The following PCDHGA6 variants were observed in gnomAD, a reference collection of about 807,000 sequenced individuals.
PCDHGA6 encodes the protein protocadherin gamma subfamily A, 6.
Under a neutral mutation model 60.6 loss-of-function variants are expected in PCDHGA6, and 41 were observed. That is an observed-to-expected ratio of 0.68 (90% CI 0.53 to 0.88). The LOEUF is 0.88. Ranked by LOEUF, PCDHGA6 falls within the 40% of genes least tolerant of loss-of-function variation. PCDHGA6 has a pLI of 0.00. For synonymous variants in PCDHGA6, 594 were observed against 524.4 expected, an observed-to-expected ratio of 1.13 and a Z score of -1.81; for missense variants, 1,312 against 1,203.0, an observed-to-expected ratio of 1.09 and a Z score of -1.34.
At chr5:141,458,201 TAGTTTAAAATA>T (rs1175017515) in intron 1 of PCDHGA6, among the ~76,000 whole-genome samples, 1 of 152,168 alleles carries the variant, frequency 6.6e-6, no homozygotes, top group Non-Finnish European at 1.5e-5. Context: ...AGGCCATAAA[TAGTTTAAAATA>T]AGTTTCCTTT....
At chr5:141,399,037 G>A (rs756325508) in intron 1 of PCDHGA6, 2 of 1,613,856 alleles carry the variant, frequency 1.2e-6, no homozygotes, top group African/African-American at 2.7e-5. Context: ...AAAGAAACTG[G>A]ATTTTGAAGA....
Position 141,376,026 on chromosome 5 carries a change from A to T in PCDHGA6, c.1943A>T (p.Asp648Val). 6.2e-7 allele frequency: 1 copy of T among 1,613,128 alleles called. No individual in the cohort carries two copies. The highest frequency in any genetic ancestry group is 1.3e-5 in the African/African-American group (1 of 75,030). ...LKQSLVVAVQ[D>V]HGQPPLSATV... ...CAGAGCCTAGTGGTGGCCGTCCAGG[A>T]CCACGGCCAGCCCCCTCTCTCCGCC... Residue 648 changes from aspartate (D) to valine (V), a missense_variant, in exon 1 of 4, where the codon GAC becomes GTC. By Grantham distance (152) the Asp-to-Val change is radical (BLOSUM62 -3). Coordinates refer to ENST00000517434, the MANE Select transcript of PCDHGA6 (RefSeq NM_018919.3).
intron 1 of PCDHGA6, among the ~76,000 whole-genome samples, chr5:141,405,839 G>C (rs2094725144): frequency 6.6e-6 from 1 of 152,134 alleles, no homozygotes; most frequent in African/African-American, 2.4e-5. Context: ...AGTATAAGTT[G>C]ATATCAGTGT....
chr5:141,437,956 T>A (rs998689841), intron 1 of PCDHGA6, among the ~76,000 whole-genome samples: 6 of 152,178 alleles, frequency 3.9e-5, no homozygotes, highest in African/African-American at 1.4e-4. Context: ...CAGAATGGTC[T>A]TGATCTCTTG....
intron 1 of PCDHGA6, chr5:141,478,359 G>A: frequency 6.2e-7 from 1 of 1,613,734 alleles, no homozygotes; most frequent in Non-Finnish European, 8.5e-7. Flanking sequence ...GACGCCGTGC[G>A]GGGAGGCCTG....
chr5:141,498,971 G>GGGAAGGAAGGAAGGAAGGAA (rs201769957), intron 2 of PCDHGA6, among the ~76,000 whole-genome samples: 36 of 111,052 alleles, frequency 3.2e-4, no homozygotes, highest in African/African-American at 9.0e-4. Context: ...GAGGGAGGGA[G>GGGAAGGAAGGAAGGAAGGAA]GGAAGGAAGG....
intron 1 of PCDHGA6, among the ~76,000 whole-genome samples, chr5:141,474,010 C>G (rs989832548): frequency 1.3e-5 from 2 of 152,092 alleles, no homozygotes; most frequent in Admixed American, 1.3e-4. Flanking sequence ...CTGGAAGTTA[C>G]AGTGAGCTAT....
At chr5:141,456,148 C>T (rs1408257938) in intron 1 of PCDHGA6, among the ~76,000 whole-genome samples, 13 of 152,078 alleles carry the variant, frequency 8.5e-5, no homozygotes, top group African/African-American at 3.1e-4. Flanking sequence ...CCGCCCGCCT[C>T]GGCCTCCTAA....
intron 1 of PCDHGA6, chr5:141,420,437 T>G (rs2096496377): frequency 4.5e-6 from 5 of 1,109,618 alleles, no homozygotes; most frequent in Admixed American, 3.7e-5. Context: ...TTAAATTAAA[T>G]GCCTCAGTCT....
intron 1 of PCDHGA6, chr5:141,408,114 C>T (rs1191565539): frequency 5.5e-6 from 8 of 1,460,968 alleles, no homozygotes; most frequent in South Asian, 1.4e-5. Context: ...CGGGACTCCT[C>T]CTGTCCTGGG....
At chr5:141,470,649 C>T (rs1486535307) in intron 1 of PCDHGA6, among the ~76,000 whole-genome samples, 1 of 152,160 alleles carries the variant, frequency 6.6e-6, no homozygotes, top group African/African-American at 2.4e-5. Flanking sequence ...TTGAAGGCCC[C>T]TACCCTTTGG....
chr5:141,390,764 G>T, intron 1 of PCDHGA6: 2 of 165,996 alleles, frequency 1.2e-5, no homozygotes, highest in Non-Finnish European at 2.6e-5. Flanking sequence ...TTTGTTTCCT[G>T]TGTTAACTTC....
At chr5:141,415,012 C>T (rs1451963535) in intron 1 of PCDHGA6, 2 of 1,613,644 alleles carry the variant, frequency 1.2e-6, no homozygotes, top group South Asian at 1.1e-5. Context: ...CTACCGTCTG[C>T]TCAAGGCCAG....
chr5:141,433,042 G>C (rs752612411), intron 1 of PCDHGA6: 6 of 1,614,142 alleles, frequency 3.7e-6, no homozygotes, highest in Non-Finnish European at 5.1e-6. Flanking sequence ...CCCTCACCAC[G>C]GACTCGCGGA....
intron 1 of PCDHGA6, chr5:141,393,129 A>T (rs2150509668): frequency 1.2e-6 from 2 of 1,613,426 alleles, no homozygotes; most frequent in Non-Finnish European, 1.7e-6. Flanking sequence ...TCTGATAAAT[A>T]TTAACACCCT....
intron 1 of PCDHGA6, chr5:141,484,904 C>A: frequency 2.5e-6 from 1 of 405,682 alleles, no homozygotes; most frequent in Non-Finnish European, 4.4e-6. Context: ...TCCAATGCTG[C>A]GACGCATTAA....
intron 3 of PCDHGA6, among the ~76,000 whole-genome samples, chr5:141,507,790 A>C (rs922507228): frequency 5.9e-5 from 9 of 152,188 alleles, no homozygotes; most frequent in Admixed American, 2.6e-4. Context: ...ACCCTCGTCT[A>C]AGCCTGCGCC....
In PCDHGA6 at chr5:141,432,460, C is replaced by T; in HGVS notation, c.2424+55953C>T. The T allele has an allele frequency of 6.2e-7, 1 of 1,614,208 alleles. No homozygotes were observed. The highest frequency in any genetic ancestry group is 8.5e-7 in the Non-Finnish European group (1 of 1,180,044). On this transcript the variant is annotated intron_variant, in intron 1 of 3. Transcript: ENST00000517434. This position sits in a 1 kb window ranked among gnomAD's most constrained non-coding sequence, Gnocchi z 6.0. ...CGCCCGAGATCCTGTACCCCGCCCTCCCCACGGACGGTTCCACTGGCGTGG... is the reference window on the plus strand; with the variant it reads ...CGCCCGAGATCCTGTACCCCGCCCTTCCCACGGACGGTTCCACTGGCGTGG...
chr5:141,399,682 G>C, intron 1 of PCDHGA6: 2 of 1,613,512 alleles, frequency 1.2e-6, no homozygotes, highest in Non-Finnish European at 1.7e-6. Context: ...CTTTGACTAC[G>C]AGCAGCTGCG....
Sources: allele counts gnomAD v4.1 joint callset (sites outside exome capture counted in the v4.1 genomes callset), GRCh38; gene constraint gnomAD v4.1.1; non-coding constraint Gnocchi (gnomAD v3.1); transcripts MANE v1.5; gene names NCBI Gene and HGNC (gene_info 2026-07-23, HGNC 2026-07-21).